Variants in TENM3 observed in about 807,000 individuals in gnomAD.
The protein encoded by TENM3 is teneurin transmembrane protein 3.
TENM3 carries 63 observed loss-of-function variants against 255.1 expected under a neutral mutation model. The ratio of observed to expected loss-of-function variants is 0.25; its 90% CI spans 0.20 to 0.30. The LOEUF is 0.30. TENM3 is among the 10% of genes least tolerant of loss of function. The pLI is 1.00. For missense variants in TENM3, 2,929 were observed against 3,461.1 expected, an observed-to-expected ratio of 0.85 and a Z score of 3.86; for synonymous variants, 1,306 against 1,322.3, an observed-to-expected ratio of 0.99 and a Z score of 0.27.
At chr4:181,739,287 T>G in the TENM3 span, among the ~76,000 whole-genome samples, 127,249 of 151,590 alleles carry the variant, frequency 0.84, 53,777 homozygotes, top group East Asian at 0.94. Flanking sequence ...ATTGTCCAAA[T>G]GTCGAAACCA....
chr4:182,779,676 C>G (rs554985640), intron 24 of TENM3, among the ~76,000 whole-genome samples: 65 of 151,944 alleles, frequency 4.3e-4, no homozygotes, highest in African/African-American at 1.5e-3. Context: ...GTCCCACCAA[C>G]AGTGTAAAAG....
chr4:182,407,462 A>C (rs1769660951), intron 3 of TENM3, among the ~76,000 whole-genome samples: 1 of 152,248 alleles, frequency 6.6e-6, no homozygotes. Flanking sequence ...AGTAGTAAGT[A>C]GTTCAGATCT....
intron 5 of TENM3, among the ~76,000 whole-genome samples, chr4:182,651,265 TATG>T (rs1335012564): frequency 1.3e-5 from 2 of 152,228 alleles, no homozygotes; most frequent in Non-Finnish European, 2.9e-5. Flanking sequence ...CTGAAAAATG[TATG>T]ATGTGATAAG....
At chr4:182,501,027 T>G (rs893520095) in intron 3 of TENM3, among the ~76,000 whole-genome samples, 1 of 152,296 alleles carries the variant, frequency 6.6e-6, no homozygotes, top group African/African-American at 2.4e-5. Context: ...TCTTTGACTC[T>G]TCTAACTTTT....
chr4:182,293,750 C>T (rs534293990), intron 1 of TENM3, among the ~76,000 whole-genome samples: 27 of 148,860 alleles, frequency 1.8e-4, no homozygotes, highest in Non-Finnish European at 3.2e-4. Flanking sequence ...TGCTTTAAAG[C>T]GCCCACCCCG....
At chr4:182,393,364 C>T (rs976252673) in intron 3 of TENM3, among the ~76,000 whole-genome samples, 2 of 152,070 alleles carry the variant, frequency 1.3e-5, no homozygotes, top group African/African-American at 2.4e-5. Context: ...CCATAATATA[C>T]GCATCTTTAG....
At chr4:181,942,522 C>A in the TENM3 span, among the ~76,000 whole-genome samples, 2 of 152,104 alleles carry the variant, frequency 1.3e-5, no homozygotes, top group Admixed American at 6.5e-5. Flanking sequence ...TCTTAGCCAT[C>A]AGGGCAGCTA....
intron 1 of TENM3, among the ~76,000 whole-genome samples, chr4:182,293,688 C>T (rs747871753): frequency 1.3e-5 from 2 of 152,100 alleles, no homozygotes; most frequent in Admixed American, 1.3e-4. Context: ...TGACTTTCGC[C>T]GTATCCTTTC....
chr4:181,653,561 C>T, the TENM3 span, among the ~76,000 whole-genome samples: 6 of 152,116 alleles, frequency 3.9e-5, no homozygotes, highest in East Asian at 1.9e-4. Flanking sequence ...CCACCACACC[C>T]GGCTAATTTT....
intron 1 of TENM3, among the ~76,000 whole-genome samples, chr4:182,278,564 T>C (rs1313767222): frequency 6.6e-6 from 1 of 150,456 alleles, no homozygotes; most frequent in Admixed American, 6.7e-5. Context: ...AAGGTGACTA[T>C]CATAAAGGAA....
chr4:182,324,287 C>A (rs775459512), intron 2 of TENM3, 35 bp downstream of exon 2: 7 of 1,473,044 alleles, frequency 4.8e-6, no homozygotes, highest in Middle Eastern at 1.7e-4. Flanking sequence ...AGGCAATGCT[C>A]ACGTTACTAA....
the TENM3 span, among the ~76,000 whole-genome samples, chr4:181,570,201 G>A: frequency 1.3e-4 from 20 of 151,684 alleles, no homozygotes; most frequent in East Asian, 7.8e-4. Context: ...GCCCGCCACC[G>A]CGCCCGGCTA....
At chr4:181,989,054 A>G in the TENM3 span, among the ~76,000 whole-genome samples, 1,027 of 152,140 alleles carry the variant, frequency 6.8e-3, 11 homozygotes, top group African/African-American at 0.024. Flanking sequence ...CAAATATCTT[A>G]TATTTGTTTA....
chr4:182,600,287 G>A (rs1437335500), intron 3 of TENM3, among the ~76,000 whole-genome samples: 1 of 152,108 alleles, frequency 6.6e-6, no homozygotes, highest in Non-Finnish European at 1.5e-5. Flanking sequence ...GTAATCAGAT[G>A]TGATTCAGTC....
At chr4:182,349,872 TC>T in intron 3 of TENM3, 1 of 358,050 alleles carries the variant, frequency 2.8e-6, no homozygotes, top group South Asian at 2.2e-5. Context: ...TTCTATTGTA[TC>T]ACTAAAGGTT....
At chr4:182,167,691 G>A (rs1449406214) in intron 1 of TENM3, among the ~76,000 whole-genome samples, 2 of 152,094 alleles carry the variant, frequency 1.3e-5, no homozygotes, top group Non-Finnish European at 2.9e-5. Flanking sequence ...TGGGCAACAT[G>A]GTGAAACCCC....
At chr4:182,714,994 C>A (rs902115474) in intron 13 of TENM3, among the ~76,000 whole-genome samples, 1 of 152,212 alleles carries the variant, frequency 6.6e-6, no homozygotes, top group African/African-American at 2.4e-5. Context: ...AAGTGATTCT[C>A]CTGCCTCAGC....
chr4:181,857,545 T>A, the TENM3 span, among the ~76,000 whole-genome samples: 1 of 87,006 alleles, frequency 1.1e-5, no homozygotes, highest in South Asian at 4.3e-4. Flanking sequence ...TGAAACCCTG[T>A]CTCTACAAAA....
At chr4:181,965,579 C>T in the TENM3 span, among the ~76,000 whole-genome samples, 2 of 152,164 alleles carry the variant, frequency 1.3e-5, no homozygotes, top group African/African-American at 4.8e-5. Flanking sequence ...TGCCATTCTC[C>T]AACCTTACCC....
Sources: gnomAD v4.1 joint callset for allele counts (sites outside exome capture counted in the v4.1 genomes callset) on GRCh38, gnomAD v4.1.1 for gene constraint, MANE v1.5 for transcripts, NCBI Gene and HGNC (gene_info 2026-07-23, HGNC 2026-07-21) for gene names.